The following GPHN variants were observed in gnomAD, a reference collection of about 807,000 sequenced individuals.
The protein encoded by GPHN is gephyrin.
Under a neutral mutation model 95.5 loss-of-function variants are expected in GPHN, and 17 were observed. The observed-to-expected ratio is 0.18, with a 90% CI of 0.12 to 0.27. GPHN has a LOEUF of 0.27. GPHN is among the 10% of genes least tolerant of loss of function. The pLI is 1.00. For synonymous variants in GPHN, 320 were observed against 322.5 expected (o/e 0.99, Z 0.08); for missense variants, 660 against 978.1 (o/e 0.67, Z 4.34).
the GPHN span, among the ~76,000 whole-genome samples, chr14:67,597,388 G>C: frequency 6.6e-6 from 1 of 152,072 alleles, no homozygotes; most frequent in Non-Finnish European, 1.5e-5. Context: ...TGAGATAAGA[G>C]GATCGCTTGA....
the GPHN span, among the ~76,000 whole-genome samples, chr14:67,546,755 G>A: frequency 1.2e-4 from 18 of 152,148 alleles, no homozygotes; most frequent in Non-Finnish European, 1.9e-4. Flanking sequence ...TAGTCCCAGT[G>A]ACTTAGAGGC....
At chr14:67,431,409 A>C in the GPHN span, among the ~76,000 whole-genome samples, 3 of 150,368 alleles carry the variant, frequency 2.0e-5, no homozygotes, top group Admixed American at 6.6e-5. Flanking sequence ...AAAAAAAAAA[A>C]AAAAAAAAAA....
At chr14:67,237,657 A>G in the GPHN span, among the ~76,000 whole-genome samples, 1 of 152,152 alleles carries the variant, frequency 6.6e-6, no homozygotes, top group African/African-American at 2.4e-5. Context: ...GTGGTATTTT[A>G]TTACATAAAC....
intron 9 of GPHN, among the ~76,000 whole-genome samples, chr14:66,966,285 G>A (rs1458954028): frequency 2.0e-5 from 3 of 151,956 alleles, no homozygotes; most frequent in Non-Finnish European, 2.9e-5. Context: ...GACTAGAAGG[G>A]ATCTCAGTTT....
the GPHN span, among the ~76,000 whole-genome samples, chr14:67,628,720 C>A: frequency 6.6e-6 from 1 of 152,118 alleles, no homozygotes; most frequent in African/African-American, 2.4e-5. Flanking sequence ...ACTATCAAAA[C>A]AGAAAATAAG....
At chr14:67,027,733 A>T (rs965606447) in intron 10 of GPHN, among the ~76,000 whole-genome samples, 2 of 152,112 alleles carry the variant, frequency 1.3e-5, no homozygotes, top group Non-Finnish European at 2.9e-5. Flanking sequence ...ATTTTAATGG[A>T]ATTCAGAATT....
the GPHN span, chr14:67,204,679 G>A: frequency 6.2e-7 from 1 of 1,613,958 alleles, no homozygotes; most frequent in South Asian, 1.1e-5. Context: ...TTCTCAATGG[G>A]TGGCCCTCAT....
chr14:67,620,310 T>C, the GPHN span, among the ~76,000 whole-genome samples: 16 of 151,564 alleles, frequency 1.1e-4, no homozygotes, highest in Admixed American at 8.5e-4. Context: ...GGCACCCTGT[T>C]TGGGATGAGG....
chr14:67,714,287 T>C, the GPHN span, among the ~76,000 whole-genome samples: 1 of 151,910 alleles, frequency 6.6e-6, no homozygotes, highest in African/African-American at 2.4e-5. Flanking sequence ...AGGAGTGCAC[T>C]CCATGGCCAG....
chr14:66,583,866 C>T lies in GPHN; in HGVS notation c.64+75275C>T, dbSNP rs1375908000. On this transcript the variant is annotated intron_variant, in intron 1 of 22. Coordinates refer to ENST00000478722, the MANE Select transcript of GPHN (RefSeq NM_020806.5). ...TTGGCTTAGGATTGACTTGGCAATGCGGGCTCTTTTTTGGTTCCATATGAA... is the reference window on the plus strand; with the variant it reads ...TTGGCTTAGGATTGACTTGGCAATGTGGGCTCTTTTTTGGTTCCATATGAA... 5.9e-5 allele frequency among the ~76,000 whole-genome samples: 9 copies of T among 151,906 alleles called. No homozygotes were observed. In the South Asian group the frequency reaches 1.0e-3, roughly 18 times the overall value.
At chr14:67,214,090 G>A in the GPHN span, among the ~76,000 whole-genome samples, 2 of 152,098 alleles carry the variant, frequency 1.3e-5, no homozygotes, top group Admixed American at 6.6e-5. Context: ...AGTAGGTTGC[G>A]AAAATGTCCT....
chr14:66,991,571 T>A (rs1261491184), intron 9 of GPHN, among the ~76,000 whole-genome samples: 1 of 150,140 alleles, frequency 6.7e-6, no homozygotes, highest in Non-Finnish European at 1.5e-5. Context: ...CTAAAAATAT[T>A]AAATATGAAG....
At chr14:66,890,810 A>C (rs969398573) in intron 5 of GPHN, among the ~76,000 whole-genome samples, 2 of 151,890 alleles carry the variant, frequency 1.3e-5, no homozygotes, top group African/African-American at 2.4e-5. Context: ...AGGGAAAAAA[A>C]AACCCATGTG....
chr14:66,808,890 A>G (rs1391189432), intron 3 of GPHN, among the ~76,000 whole-genome samples: 1 of 152,240 alleles, frequency 6.6e-6, no homozygotes, highest in African/African-American at 2.4e-5. Context: ...GGAATTCTTC[A>G]TGGAGAACAT....
At chr14:67,039,865 T>G (rs867839808) in intron 10 of GPHN, among the ~76,000 whole-genome samples, 3 of 152,220 alleles carry the variant, frequency 2.0e-5, no homozygotes, top group African/African-American at 7.2e-5. Flanking sequence ...TTTGAAGTTG[T>G]AAGTAGTGTT....
the GPHN span, chr14:67,208,153 C>T: frequency 1.9e-6 from 3 of 1,605,042 alleles, no homozygotes; most frequent in African/African-American, 2.7e-5. Context: ...ACACCTATTA[C>T]CTGATGCTCT....
At chr14:67,329,644 T>TA in the GPHN span, among the ~76,000 whole-genome samples, 2 of 152,046 alleles carry the variant, frequency 1.3e-5, no homozygotes, top group African/African-American at 4.8e-5. Flanking sequence ...TATTTTGAGA[T>TA]ACGGCGGACG....
the GPHN span, chr14:67,279,816 A>G: frequency 2.9e-6 from 1 of 347,704 alleles, no homozygotes; most frequent in South Asian, 1.5e-4. Context: ...CTTGAAATTT[A>G]CCTTTTATAT....
intron 3 of GPHN, among the ~76,000 whole-genome samples, chr14:66,791,282 G>T (rs959224867): frequency 2.6e-5 from 4 of 152,156 alleles, no homozygotes; most frequent in Non-Finnish European, 5.9e-5. Context: ...CCCTTTGGGG[G>T]TTATCAGGGA....
Sources: gnomAD v4.1 joint callset for allele counts (sites outside exome capture counted in the v4.1 genomes callset) on GRCh38, gnomAD v4.1.1 for gene constraint, MANE v1.5 for transcripts, NCBI Gene and HGNC (gene_info 2026-07-23, HGNC 2026-07-21) for gene names.